The following DIP2C variants were observed in gnomAD, a reference collection of about 807,000 sequenced individuals.
DIP2C encodes DIP2 acetate--CoA ligase C (putative).
Under a neutral mutation model 192.4 loss-of-function variants are expected in DIP2C, and 33 were observed. The observed-to-expected ratio is 0.17, with a 90% confidence interval of 0.13 to 0.23. The LOEUF is 0.23. DIP2C is among the 10% of genes least tolerant of loss of function. The probability of loss-of-function intolerance (pLI) is 1.00; values close to 1 mark genes in which losing one functional copy is unlikely to be tolerated. For missense variants in DIP2C, 1,537 were observed against 2,110.1 expected, an observed-to-expected ratio of 0.73 and a Z score of 5.32; for synonymous variants, 979 against 864.1, an observed-to-expected ratio of 1.13 and a Z score of -2.33.
intron 1 of DIP2C, among the ~76,000 whole-genome samples, chr10:674,789 T>TATATATATATATATATATATATATATAG: frequency 4.8e-5 from 3 of 62,484 alleles, no homozygotes; most frequent in East Asian, 5.5e-4. Flanking sequence ...TATATATATA[T>TATATATATATATATATATATATATATAG]AGAGAGAGAG....
chr10:518,399 G>C (rs1846498330), intron 1 of DIP2C, among the ~76,000 whole-genome samples: 1 of 152,264 alleles, frequency 6.6e-6, no homozygotes, highest in African/African-American at 2.4e-5. Context: ...CGCACTTGCA[G>C]CTCTGACCTT....
chr10:444,468 C>G (rs1329329496), intron 3 of DIP2C, among the ~76,000 whole-genome samples: 1 of 149,918 alleles, frequency 6.7e-6, no homozygotes, highest in Non-Finnish European at 1.5e-5. Flanking sequence ...GGAGCCCACG[C>G]CATGGTGTTC....
intron 28 of DIP2C, among the ~76,000 whole-genome samples, chr10:343,060 C>A (rs1354593125): frequency 6.6e-6 from 1 of 152,112 alleles, no homozygotes; most frequent in African/African-American, 2.4e-5. Flanking sequence ...GAGGCCGAGG[C>A]GGGCAGATCA....
intron 2 of DIP2C, among the ~76,000 whole-genome samples, chr10:482,178 G>A (rs1267792694): frequency 2.6e-5 from 4 of 152,134 alleles, no homozygotes; most frequent in African/African-American, 9.7e-5. Context: ...TGGATGCAGC[G>A]GCATGGCTGT....
At chr10:372,194 G>A (rs992847910) in intron 17 of DIP2C, among the ~76,000 whole-genome samples, 1 of 151,266 alleles carries the variant, frequency 6.6e-6, no homozygotes, top group Non-Finnish European at 1.5e-5. Flanking sequence ...TCCTGCCTCA[G>A]CCTCCTGAAT....
At chr10:549,400 C>T (rs866117275) in intron 1 of DIP2C, among the ~76,000 whole-genome samples, 2 of 152,144 alleles carry the variant, frequency 1.3e-5, no homozygotes, top group South Asian at 4.1e-4. Context: ...GAAGATACAA[C>T]GCGTCCACAC....
intron 1 of DIP2C, among the ~76,000 whole-genome samples, chr10:489,299 T>C (rs973670795): frequency 3.3e-4 from 50 of 152,200 alleles, no homozygotes; most frequent in Non-Finnish European, 1.6e-4. Flanking sequence ...TAGCAGCACT[T>C]TTACATGCCG....
intron 31 of DIP2C, among the ~76,000 whole-genome samples, chr10:310,348 A>C (rs1472832979): frequency 6.6e-6 from 1 of 152,258 alleles, no homozygotes; most frequent in South Asian, 2.1e-4. Context: ...GAAAGAAAGG[A>C]GACAAAGCCA....
Position 390,595 on chromosome 10 carries a change from G to A in DIP2C, c.1384+145C>T, listed in dbSNP as rs61836849. 3.7e-4 allele frequency: 509 copies of A among 1,383,878 alleles called. 1 individual carries two copies. The highest frequency in any genetic ancestry group is 4.6e-4 in the Non-Finnish European group (463 of 1,015,934). The allele number at this position is 1,383,878 out of a possible 1,614,324, so 85.7% of individuals were successfully genotyped here. On this transcript the variant is annotated intron_variant, in intron 11 of 36. Coordinates refer to ENST00000280886, the MANE Select transcript of DIP2C (RefSeq NM_014974.3). ...GCTGGCAACTCGGCTGTGTCATCAG[G>A]GACGAGAACGCGTGAAAACTCGTGG... is the stretch of plus-strand genomic sequence containing the variant.
chr10:659,183 CTATA>C (rs1015510886), intron 1 of DIP2C, among the ~76,000 whole-genome samples: 14 of 152,318 alleles, frequency 9.2e-5, no homozygotes, highest in African/African-American at 2.6e-4. Context: ...ACATTTATAA[CTATA>C]TACACAGGAG....
At chr10:602,176 TGAA>T (rs1236326353) in intron 1 of DIP2C, among the ~76,000 whole-genome samples, 1 of 152,186 alleles carries the variant, frequency 6.6e-6, no homozygotes, top group Non-Finnish European at 1.5e-5. Context: ...TTTTACAGTC[TGAA>T]GAAAACTCCT....
chr10:293,173 C>T (rs1036114395), intron 32 of DIP2C, among the ~76,000 whole-genome samples: 1 of 152,260 alleles, frequency 6.6e-6, no homozygotes, highest in Non-Finnish European at 1.5e-5. Flanking sequence ...CACACCACTA[C>T]TCAGCACTGG....
chr10:556,410 G>A (rs1230717981), intron 1 of DIP2C, among the ~76,000 whole-genome samples: 3 of 120,242 alleles, frequency 2.5e-5, no homozygotes, highest in Admixed American at 1.9e-4. Flanking sequence ...CACCATCTCT[G>A]ACACTCGGAC....
chr10:290,865 G>GT (rs1013423214), intron 32 of DIP2C, among the ~76,000 whole-genome samples: 4 of 152,244 alleles, frequency 2.6e-5, no homozygotes, highest in African/African-American at 9.6e-5. Flanking sequence ...ACTTTAGGAC[G>GT]TTTGAGATCC....
At chr10:649,188 A>G (rs1035765676) in intron 1 of DIP2C, among the ~76,000 whole-genome samples, 1 of 150,914 alleles carries the variant, frequency 6.6e-6, no homozygotes, top group Admixed American at 6.6e-5. Context: ...GTCCACGTCC[A>G]CATTTGACGG....
intron 3 of DIP2C, among the ~76,000 whole-genome samples, chr10:470,419 C>T (rs1482207615): frequency 2.0e-5 from 3 of 152,190 alleles, no homozygotes; most frequent in Non-Finnish European, 4.4e-5. Context: ...CAGCCACCCC[C>T]TCTGCCATGT....
At chr10:524,523 T>G (rs1846932410) in intron 1 of DIP2C, among the ~76,000 whole-genome samples, 1 of 152,172 alleles carries the variant, frequency 6.6e-6, no homozygotes, top group Admixed American at 6.5e-5. Flanking sequence ...TGCAAATGTA[T>G]AAAACATGGA....
chr10:335,908 T>A (rs1957744207), intron 29 of DIP2C, among the ~76,000 whole-genome samples: 1 of 152,200 alleles, frequency 6.6e-6, no homozygotes, highest in Non-Finnish European at 1.5e-5. Context: ...TGTTGCAATC[T>A]TTATTCTTGA....
Position 651,699 on chromosome 10 carries a change from T to C in DIP2C, c.85+37795A>G. 2 of 348,278 alleles carry C rather than the reference T, an allele frequency of 5.7e-6. No homozygotes were observed. The highest frequency in any genetic ancestry group is 4.5e-5 in the South Asian group (2 of 44,592). 21.6% of individuals were successfully genotyped at this position (348,278 alleles called of 1,614,324 possible). A position where few individuals can be genotyped will look rare whatever the true frequency, so the allele number is the denominator to read the frequency against. On this transcript the variant is annotated intron_variant, in intron 1 of 36. Transcript: ENST00000280886. The surrounding 1 kb of genome is among the most constrained non-coding windows in gnomAD (Gnocchi z 4.1). ...TTTCCGTATCCCAAAATCTGGACTT[T>C]TGCTAAATGGTGCCCTTAGCACAGG...
Sources: gnomAD v4.1 joint callset for allele counts (sites outside exome capture counted in the v4.1 genomes callset) on GRCh38, gnomAD v4.1.1 for gene constraint, Gnocchi (gnomAD v3.1) non-coding constraint, MANE v1.5 for transcripts, NCBI Gene and HGNC (gene_info 2026-07-23, HGNC 2026-07-21) for gene names.